FCHO2: variants seen among roughly 807,000 people sequenced by gnomAD.
The protein encoded by FCHO2 is FCH and mu domain containing endocytic adaptor 2.
A neutral mutation model predicts 114.1 loss-of-function variants in FCHO2; 43 were observed. The observed-to-expected ratio is 0.38, with a 90% CI of 0.30 to 0.49. The LOEUF is 0.49. FCHO2 is among the 20% of genes least tolerant of loss of function. FCHO2 has a pLI of 0.97. For missense variants in FCHO2, 807 were observed against 950.4 expected, an observed-to-expected ratio of 0.85 and a Z score of 1.98; for synonymous variants, 293 against 315.2, an observed-to-expected ratio of 0.93 and a Z score of 0.75.
chr5:73,007,203 TC>T (rs1296529694), intron 6 of FCHO2, among the ~76,000 whole-genome samples: 1 of 152,160 alleles, frequency 6.6e-6, no homozygotes, highest in African/African-American at 2.4e-5. Flanking sequence ...GCCCCAGAAA[TC>T]TCAGTGGCTT....
At chr5:73,041,164 T>C (rs1756786156) in intron 10 of FCHO2, 127 bp from the exon 11 acceptor site, 1 of 643,120 alleles carries the variant, frequency 1.6e-6, no homozygotes, top group African/African-American at 1.9e-5. Context: ...CATGGTTTGA[T>C]TTCTCTGAAT....
intron 17 of FCHO2, among the ~76,000 whole-genome samples, chr5:73,060,189 C>A (rs139912183): frequency 9.2e-5 from 14 of 151,980 alleles, no homozygotes; most frequent in African/African-American, 3.4e-4. Context: ...ATTTAGTGGT[C>A]ATTGATGTTT....
At chr5:73,059,369 C>T (rs1050176324) in intron 17 of FCHO2, among the ~76,000 whole-genome samples, 3 of 151,978 alleles carry the variant, frequency 2.0e-5, no homozygotes, top group Non-Finnish European at 4.4e-5. Flanking sequence ...TTTTTATTGT[C>T]CCTGTTTTAT....
chr5:73,046,345 G>A (rs1757056326), intron 11 of FCHO2, among the ~76,000 whole-genome samples: 2 of 152,112 alleles, frequency 1.3e-5, no homozygotes, highest in Non-Finnish European at 1.5e-5. Flanking sequence ...GGGATTATAG[G>A]CCTGAGCCAC....
rs549252880 is a variant in FCHO2, at chr5:73,021,042, A to G, written c.796+3734A>G. On this transcript the variant is annotated intron_variant, in intron 8 of 25. Coordinates refer to ENST00000430046, the MANE Select transcript of FCHO2 (RefSeq NM_138782.3). ...AATGAGCCAAAGTTCACATGAATCC[A>G]TGGAAGTTTACCTGGTCCTCTCCCT... 260 of 1,108,870 alleles carry G rather than the reference A, an allele frequency of 2.3e-4. 2 individuals are homozygous for G. In the African/African-American group the frequency reaches 3.0e-3, roughly 13 times the overall value. 68.7% of individuals were successfully genotyped at this position (1,108,870 alleles called of 1,614,324 possible). A position where few individuals can be genotyped will look rare whatever the true frequency, so the allele number is the denominator to read the frequency against.
intron 1 of FCHO2, among the ~76,000 whole-genome samples, chr5:72,958,562 G>T (rs947286436): frequency 6.6e-6 from 1 of 152,126 alleles, no homozygotes; most frequent in Admixed American, 6.6e-5. Context: ...GTAACACACA[G>T]TTTGGATTGC....
At chr5:72,956,464 T>G (rs1054721712) in intron 1 of FCHO2, among the ~76,000 whole-genome samples, 5 of 151,570 alleles carry the variant, frequency 3.3e-5, no homozygotes, top group African/African-American at 1.2e-4. Context: ...GCGCGGGGCG[T>G]GCGCGGCAGC....
chr5:73,036,094 C>T (rs534777013), intron 9 of FCHO2, among the ~76,000 whole-genome samples: 6 of 152,166 alleles, frequency 3.9e-5, no homozygotes, highest in Admixed American at 3.9e-4. Flanking sequence ...GATCCGCCCA[C>T]GTCGGCCTTC....
At chr5:73,022,313 A>T (rs993400856) in intron 8 of FCHO2, among the ~76,000 whole-genome samples, 3 of 152,226 alleles carry the variant, frequency 2.0e-5, no homozygotes, top group Non-Finnish European at 2.9e-5. Flanking sequence ...TTAAAGTATT[A>T]CACTAGAGAG....
intron 5 of FCHO2, among the ~76,000 whole-genome samples, chr5:72,992,872 C>T (rs1231830514): frequency 6.6e-6 from 1 of 151,488 alleles, no homozygotes; most frequent in African/African-American, 2.4e-5. Flanking sequence ...TAAAGCATAA[C>T]ACAATTCTAG....
At chr5:73,047,072 A>G (rs1397810110) in intron 11 of FCHO2, among the ~76,000 whole-genome samples, 1 of 152,194 alleles carries the variant, frequency 6.6e-6, no homozygotes, top group African/African-American at 2.4e-5. Flanking sequence ...TTTGGAAATC[A>G]TTTCTAACTT....
chr5:72,969,127 G>A (rs1561406704), intron 2 of FCHO2, among the ~76,000 whole-genome samples: 1 of 152,108 alleles, frequency 6.6e-6, no homozygotes, highest in Non-Finnish European at 1.5e-5. Flanking sequence ...CAACTCAAAA[G>A]CTGCTATCCT....
At chr5:73,071,431 T>G (rs923429826) in intron 19 of FCHO2, among the ~76,000 whole-genome samples, 1 of 152,010 alleles carries the variant, frequency 6.6e-6, no homozygotes, top group Admixed American at 6.6e-5. Flanking sequence ...GGAGTGGGTG[T>G]CTGTGTTTTA....
Position 73,078,302 on chromosome 5 carries a change from T to A in FCHO2, c.1970T>A (p.Leu657Ter). 1 of 1,599,932 alleles carries A rather than the reference T, an allele frequency of 6.3e-7. No individual in the cohort carries two copies. ...GCTTCTTATTATAATGTAGATGTATTAAAGTATCAGGTGAGTGTCACGACA... is the reference window on the plus strand; with the variant it reads ...GCTTCTTATTATAATGTAGATGTATAAAAGTATCAGGTGAGTGTCACGACA... ...PAASYYNVDV[L>*]KYQVSSNGIQ... is the part of the protein sequence containing the mutation. Residue 657 changes from leucine (L) to a stop codon, truncating the protein, a stop_gained, in exon 22 of 26, where the codon TTA (leucine) becomes TAA (stop). Coordinates refer to ENST00000430046, the MANE Select transcript of FCHO2 (RefSeq NM_138782.3). LOFTEE classifies it high-confidence loss of function.
At chr5:73,045,943 TC>T (rs1156483536) in intron 11 of FCHO2, among the ~76,000 whole-genome samples, 2 of 152,372 alleles carry the variant, frequency 1.3e-5, no homozygotes, top group Middle Eastern at 3.4e-3. Context: ...GTTATTTGAA[TC>T]CTTTTTTAGA....
intron 2 of FCHO2, among the ~76,000 whole-genome samples, chr5:72,983,141 T>A (rs1334369492): frequency 6.6e-6 from 1 of 152,128 alleles, no homozygotes; most frequent in East Asian, 1.9e-4. Flanking sequence ...CTCGATCTCT[T>A]GACCTCAGGT....
rs576064541 is a variant in FCHO2, at chr5:73,089,466, T to G, written c.*1376T>G. On this transcript the variant is annotated 3_prime_UTR_variant, in exon 26 of 26. Coordinates refer to ENST00000430046, the MANE Select transcript of FCHO2 (RefSeq NM_138782.3). ...TTCTACTTTGTAAAAATAGGGAAATTATTTGAAGTGATATATTTGGTTAAA... is the reference window on the plus strand; with the variant it reads ...TTCTACTTTGTAAAAATAGGGAAATGATTTGAAGTGATATATTTGGTTAAA... 1 of 152,292 alleles carries G rather than the reference T, an allele frequency of 6.6e-6. No homozygotes were observed. The highest frequency in any genetic ancestry group is 2.4e-5 in the African/African-American group (1 of 41,576). The allele number at this position is 152,292 out of a possible 1,614,324, so 9.4% of individuals were successfully genotyped here.
At chr5:72,998,764 T>A (rs1754268380) in intron 5 of FCHO2, among the ~76,000 whole-genome samples, 1 of 151,406 alleles carries the variant, frequency 6.6e-6, no homozygotes, top group Non-Finnish European at 1.5e-5. Flanking sequence ...TAAATGATTC[T>A]GAGTCTTTTC....
At chr5:72,998,682 G>A (rs995485307) in intron 5 of FCHO2, among the ~76,000 whole-genome samples, 2 of 150,542 alleles carry the variant, frequency 1.3e-5, no homozygotes, top group South Asian at 2.1e-4. Flanking sequence ...GTGAACCCCA[G>A]TGGGCTCACC....
Sources: gnomAD v4.1 joint callset for allele counts (sites outside exome capture counted in the v4.1 genomes callset) on GRCh38, gnomAD v4.1.1 for gene constraint, MANE v1.5 for transcripts, NCBI Gene and HGNC (gene_info 2026-07-23, HGNC 2026-07-21) for gene names.